CCNJL: variants seen among roughly 807,000 people sequenced by gnomAD.
CCNJL encodes cyclin J like, also known as cyclin-J-like protein.
CCNJL carries 33 observed loss-of-function variants against 33.4 expected under a neutral mutation model. That is an observed-to-expected ratio of 0.99 (90% CI 0.75 to 1.32). CCNJL has a LOEUF of 1.32. Ranked by LOEUF, CCNJL falls within the 40% of genes most tolerant of loss-of-function variation. The pLI, the probability that CCNJL is intolerant of heterozygous loss-of-function variation, is 0.00. For missense variants in CCNJL, 512 were observed against 499.7 expected, an observed-to-expected ratio of 1.02 and a Z score of -0.23; for synonymous variants, 227 against 220.9, an observed-to-expected ratio of 1.03 and a Z score of -0.24.
chr5:160,320,982 C>T lies in CCNJL; in HGVS notation n.207-5477G>A, dbSNP rs547243110. 9.1e-4 allele frequency among the ~76,000 whole-genome samples: 105 copies of T among 115,032 alleles called. 3 individuals are homozygous for T. The highest frequency in any genetic ancestry group is 3.9e-3 in the African/African-American group (103 of 26,576). 75.5% of individuals were successfully genotyped at this position (115,032 alleles called of 152,430 possible). ...CTCCTCTCTGTCTCTCCCTCCCTCTCTCTCTTTCTTTCTTTCTCTCTCTCT... is the reference window on the plus strand; with the variant it reads ...CTCCTCTCTGTCTCTCCCTCCCTCTTTCTCTTTCTTTCTTTCTCTCTCTCT... On this transcript the variant is annotated intron_variant and non_coding_transcript_variant, in intron 1 of 7. Coordinates refer to the CCNJL transcript ENST00000377503.
intron 2 of CCNJL, among the ~76,000 whole-genome samples, chr5:160,308,533 G>A (rs557118089): frequency 6.6e-6 from 1 of 152,322 alleles, no homozygotes; most frequent in South Asian, 2.1e-4. Context: ...CGAGGCTGAC[G>A]GATAACGAGG....
intron 2 of CCNJL, among the ~76,000 whole-genome samples, chr5:160,295,233 G>A (rs1388194115): frequency 3.3e-5 from 5 of 152,360 alleles, no homozygotes; most frequent in Non-Finnish European, 7.3e-5. Flanking sequence ...GCTCACACCT[G>A]TAATCCCAGC....
At chr5:160,332,576 C>A (rs2113482899) in intron 1 of CCNJL, among the ~76,000 whole-genome samples, 1 of 152,318 alleles carries the variant, frequency 6.6e-6, no homozygotes, top group African/African-American at 2.4e-5. Context: ...CCACCTGCTC[C>A]CACCACACTG....
intron 5 of CCNJL, 100 bp downstream of exon 5, chr5:160,255,449 C>G: frequency 9.1e-7 from 1 of 1,101,816 alleles, no homozygotes. Flanking sequence ...AGAACCACCA[C>G]AAGTTCCAGA....
intron 3 of CCNJL, among the ~76,000 whole-genome samples, chr5:160,279,012 A>G (rs889372596): frequency 1.3e-5 from 2 of 152,252 alleles, no homozygotes; most frequent in Non-Finnish European, 2.9e-5. Flanking sequence ...ATGTGGGGCT[A>G]TGAGCCTAAA....
At position 160,299,525 on chromosome 5, in the gene CCNJL, T is replaced by C. The variant is rs186521256; in HGVS notation, c.66+12333A>G. 1.9e-3 allele frequency among the ~76,000 whole-genome samples: 295 copies of C among 152,256 alleles called. 3 individuals are homozygous for C. Among genetic ancestry groups the C allele is most frequent in the African/African-American group, 6.7e-3 (277 of 41,542 alleles). On this transcript the variant is annotated intron_variant, in intron 2 of 5. Coordinates refer to ENST00000257536, the MANE Select transcript of CCNJL (RefSeq NM_001308173.3). Reference sequence around the variant, plus strand: ...GATGTGAACAACTATAAAAACCATTTCTGAGACAACAGAGGAATGGACAAC... The same window carrying C: ...GATGTGAACAACTATAAAAACCATTCCTGAGACAACAGAGGAATGGACAAC...
rs1763279044 is a variant in CCNJL, at chr5:160,311,986, G to A, written c.-49-14C>T. The A allele has an allele frequency of 6.6e-7, 1 of 1,509,192 alleles. No individual in the cohort carries two copies. The highest frequency in any genetic ancestry group is 1.1e-5 in the South Asian group (1 of 88,800). The allele number at this position is 1,509,192 out of a possible 1,614,324, so 93.5% of individuals were successfully genotyped here. A position where few individuals can be genotyped will look rare whatever the true frequency, so the allele number is the denominator to read the frequency against. On this transcript the variant is annotated splice_polypyrimidine_tract_variant and intron_variant, in intron 1 of 5. Coordinates refer to ENST00000257536, the MANE Select transcript of CCNJL (RefSeq NM_001308173.3). The stretch of plus-strand genomic sequence containing the variant: ...TCAGGGCGCACCCTGCGTGGACACG[G>A]GCAACTTCAGCGGCCAGAGCGTACC...
At chr5:160,287,666 C>G (rs1762453210) in intron 2 of CCNJL, among the ~76,000 whole-genome samples, 1 of 152,234 alleles carries the variant, frequency 6.6e-6, no homozygotes, top group Non-Finnish European at 1.5e-5. Flanking sequence ...GGAAGCCAGC[C>G]CCTCTGCTGA....
intron 3 of CCNJL, among the ~76,000 whole-genome samples, chr5:160,260,237 T>C (rs1192756408): frequency 3.9e-5 from 6 of 152,136 alleles, no homozygotes; most frequent in Non-Finnish European, 8.8e-5. Flanking sequence ...CCTGGCCCTG[T>C]CCCTCCACGT....
chr5:160,339,258 T>C (rs909036714), intron 1 of CCNJL, among the ~76,000 whole-genome samples: 2 of 110,934 alleles, frequency 1.8e-5, no homozygotes, highest in African/African-American at 6.2e-5. Context: ...ATATATATAA[T>C]TTATATATAT....
intron 1 of CCNJL, among the ~76,000 whole-genome samples, chr5:160,335,805 A>G (rs915100514): frequency 1.3e-5 from 2 of 150,776 alleles, no homozygotes; most frequent in Non-Finnish European, 2.9e-5. Context: ...GCCATTCTCA[A>G]ATTCCTGGCT....
chr5:160,313,269 C>T (rs1194580577), upstream of CCNJL, among the ~76,000 whole-genome samples: 2 of 152,198 alleles, frequency 1.3e-5, no homozygotes, highest in Non-Finnish European at 2.9e-5. Context: ...TTGGGCTATC[C>T]TTCTTGGCTG....
chr5:160,253,456 C>T lies in CCNJL; in HGVS notation c.1086G>A (p.Arg362=), dbSNP rs921260841. The part of the protein sequence containing the change: ...SMHMAIAAEP[R]HCLATTYGSS... ...TTCCATAGGTGGTGGCGAGGCAGTG[C>T]CTGGGCTCAGCTGCAATGGCCATAT... The change falls in exon 6 of 6, where the codon AGG becomes AGA. Residue 362 remains arginine, a synonymous_variant. Coordinates refer to ENST00000257536, the MANE Select transcript of CCNJL (RefSeq NM_001308173.3). 3.1e-6 allele frequency: 5 copies of T among 1,613,170 alleles called. No individual in the cohort carries two copies. Among genetic ancestry groups the T allele is most frequent in the Non-Finnish European group, 4.2e-6 (5 of 1,179,526 alleles).
intron 2 of CCNJL, among the ~76,000 whole-genome samples, chr5:160,289,873 C>G (rs1225714351): frequency 1.3e-5 from 2 of 152,158 alleles, no homozygotes; most frequent in African/African-American, 2.4e-5. Flanking sequence ...CAGACGTGCC[C>G]GGGAGTGCAG....
chr5:160,257,630 T>C (rs1022897042), intron 4 of CCNJL, among the ~76,000 whole-genome samples: 1 of 151,334 alleles, frequency 6.6e-6, no homozygotes, highest in Non-Finnish European at 1.5e-5. Context: ...CTGGGCAATA[T>C]AGCGAGACCC....
upstream of CCNJL, among the ~76,000 whole-genome samples, chr5:160,316,135 C>T (rs1763376752): frequency 6.6e-6 from 1 of 152,114 alleles, no homozygotes; most frequent in Non-Finnish European, 1.5e-5. Flanking sequence ...CACCAATAAA[C>T]AGATGGTTTT....
At chr5:160,297,421 C>T (rs566701587) in intron 2 of CCNJL, among the ~76,000 whole-genome samples, 2 of 152,190 alleles carry the variant, frequency 1.3e-5, no homozygotes, top group South Asian at 2.1e-4. Flanking sequence ...AATGCTGAAT[C>T]CCCTCTTCCT....
chr5:160,280,382 T>G (rs146787814), intron 3 of CCNJL, 143 bp downstream of exon 3: 3 of 679,208 alleles, frequency 4.4e-6, no homozygotes, highest in Non-Finnish European at 7.7e-6. Context: ...TCTAAAAATG[T>G]TGATGCTAAA....
chr5:160,279,125 C>T (rs149612105), intron 3 of CCNJL, among the ~76,000 whole-genome samples: 2,243 of 152,228 alleles, frequency 0.015, 48 homozygotes, highest in African/African-American at 0.051. Context: ...ACTGGGTGAT[C>T]GTGCCCATGG....
Sources: allele counts gnomAD v4.1 joint callset (sites outside exome capture counted in the v4.1 genomes callset), GRCh38; gene constraint gnomAD v4.1.1; transcripts MANE v1.5; gene names NCBI Gene and HGNC (gene_info 2026-07-23, HGNC 2026-07-21).